CNTN4: variants seen among roughly 807,000 people sequenced by gnomAD.
CNTN4 encodes the protein contactin-4.
Under a neutral mutation model 122.5 loss-of-function variants are expected in CNTN4, and 77 were observed. That is an observed-to-expected ratio of 0.63 (90% CI 0.52 to 0.76). CNTN4 has a LOEUF of 0.76. Ranked by LOEUF, CNTN4 falls within the 30% of genes least tolerant of loss-of-function variation. The pLI is 0.00. For synonymous variants in CNTN4, 512 were observed against 447.0 expected (o/e 1.15, Z -1.83); for missense variants, 1,256 against 1,259.1 (o/e 1.00, Z 0.04).
chr3:2,590,254 CT>C (rs925991535), intron 4 of CNTN4, among the ~76,000 whole-genome samples: 36 of 152,184 alleles, frequency 2.4e-4, no homozygotes, highest in African/African-American at 6.5e-4. Flanking sequence ...CACCTTTCTT[CT>C]TTTTTTGTTG....
At chr3:2,204,280 A>T (rs1341233423) in intron 2 of CNTN4, among the ~76,000 whole-genome samples, 1 of 152,172 alleles carries the variant, frequency 6.6e-6, no homozygotes, top group African/African-American at 2.4e-5. Context: ...CATCTTTTTA[A>T]TTATTCCCAA....
intron 3 of CNTN4, among the ~76,000 whole-genome samples, chr3:2,387,043 T>G (rs891929113): frequency 2.0e-5 from 3 of 152,164 alleles, no homozygotes. Context: ...TTGCTAACCA[T>G]AAGTCGTGTG....
At chr3:2,194,658 C>T (rs2037751029) in intron 2 of CNTN4, among the ~76,000 whole-genome samples, 1 of 152,034 alleles carries the variant, frequency 6.6e-6, no homozygotes, top group Non-Finnish European at 1.5e-5. Flanking sequence ...TAGGGTGGGC[C>T]CCCAACCCAA....
chr3:2,136,354 G>C (rs2034691326), intron 2 of CNTN4, among the ~76,000 whole-genome samples: 2 of 152,058 alleles, frequency 1.3e-5, no homozygotes, highest in Non-Finnish European at 2.9e-5. Flanking sequence ...AGTTTGTGTT[G>C]TTTCTTTCAC....
At chr3:2,573,985 G>A (rs2079542796) in intron 4 of CNTN4, among the ~76,000 whole-genome samples, 1 of 152,174 alleles carries the variant, frequency 6.6e-6, no homozygotes, top group Admixed American at 6.5e-5. Flanking sequence ...GGGAGGCCGA[G>A]GTGGGTGGAT....
intron 7 of CNTN4, among the ~76,000 whole-genome samples, chr3:2,849,594 G>A (rs1417942457): frequency 6.6e-6 from 1 of 152,186 alleles, no homozygotes; most frequent in Non-Finnish European, 1.5e-5. Context: ...TACTTATCCA[G>A]CACTTCTCCA....
chr3:2,952,162 G>T (rs1454699002), intron 13 of CNTN4, among the ~76,000 whole-genome samples: 1 of 152,192 alleles, frequency 6.6e-6, no homozygotes, highest in Non-Finnish European at 1.5e-5. Flanking sequence ...ATGAGCATAA[G>T]ATCTACCTTC....
chr3:2,388,513 A>ACTC (rs1429872927), intron 3 of CNTN4, among the ~76,000 whole-genome samples: 1 of 151,984 alleles, frequency 6.6e-6, no homozygotes, highest in Non-Finnish European at 1.5e-5. Context: ...TAAAATCCAC[A>ACTC]CTCCTTGCTA....
At chr3:2,933,352 G>A (rs182288465) in intron 13 of CNTN4, among the ~76,000 whole-genome samples, 23 of 152,286 alleles carry the variant, frequency 1.5e-4, no homozygotes, top group Admixed American at 4.6e-4. Flanking sequence ...CAGGGGATAT[G>A]TATCCTGAAA....
chr3:2,407,891 G>A (rs529050003), intron 3 of CNTN4, among the ~76,000 whole-genome samples: 1 of 152,078 alleles, frequency 6.6e-6, no homozygotes, highest in Non-Finnish European at 1.5e-5. Context: ...CTAAATTGTT[G>A]GCAGCCATAC....
At position 2,917,952 on chromosome 3, in the gene CNTN4, A is replaced by G. The variant is rs183014707; in HGVS notation, c.1208-7677A>G. On this transcript the variant is annotated intron_variant, in intron 12 of 24. Coordinates refer to ENST00000418658, the MANE Select transcript of CNTN4 (RefSeq NM_175607.3). ...AGAGCATTGGCACCAACAATATTCCATCTCTTCTTTTTCCAGCATGAGAAG... is the reference window on the plus strand; with the variant it reads ...AGAGCATTGGCACCAACAATATTCCGTCTCTTCTTTTTCCAGCATGAGAAG... Among the ~76,000 whole-genome samples, 87 of 151,986 alleles carry G rather than the reference A, an allele frequency of 5.7e-4. 1 individual carries two copies. The highest frequency in any genetic ancestry group is 1.4e-3 in the East Asian group (7 of 5,154).
chr3:2,466,169 C>T (rs1410496559), intron 3 of CNTN4, among the ~76,000 whole-genome samples: 1 of 152,136 alleles, frequency 6.6e-6, no homozygotes, highest in Non-Finnish European at 1.5e-5. Context: ...TTAAAACAGG[C>T]ATTTATATTA....
At chr3:2,563,688 A>C (rs2079046509) in intron 3 of CNTN4, among the ~76,000 whole-genome samples, 1 of 152,210 alleles carries the variant, frequency 6.6e-6, no homozygotes, top group South Asian at 2.1e-4. Flanking sequence ...TTAACTAAAC[A>C]ATGTTAGAAG....
intron 7 of CNTN4, among the ~76,000 whole-genome samples, chr3:2,832,045 T>C (rs549979411): frequency 6.6e-6 from 1 of 152,308 alleles, no homozygotes; most frequent in South Asian, 2.1e-4. Context: ...TACCCAAATA[T>C]GAGAAAGACA....
At chr3:2,969,515 G>GGATT (rs1553710699) in intron 13 of CNTN4, among the ~76,000 whole-genome samples, 4 of 143,614 alleles carry the variant, frequency 2.8e-5, no homozygotes, top group African/African-American at 1.0e-4. Context: ...AGGAAAATTG[G>GGATT]GATTATTATT....
At chr3:2,532,191 A>G (rs12636378) in intron 3 of CNTN4, among the ~76,000 whole-genome samples, 13,183 of 152,170 alleles carry the variant, frequency 0.087, 1,301 homozygotes, top group East Asian at 0.52. Context: ...TGTAAAATAG[A>G]CTAGTATTTC....
intron 3 of CNTN4, among the ~76,000 whole-genome samples, chr3:2,461,326 CATT>C: frequency 6.6e-6 from 1 of 151,812 alleles, no homozygotes; most frequent in South Asian, 2.1e-4. Context: ...TGGAAGTTAT[CATT>C]AATTATTAAT....
chr3:2,967,607 T>G (rs115089961), intron 13 of CNTN4, among the ~76,000 whole-genome samples: 2,935 of 152,234 alleles, frequency 0.019, 93 homozygotes, highest in African/African-American at 0.067. Context: ...AGCTTGGAGG[T>G]TAGAAGCAAG....
intron 13 of CNTN4, among the ~76,000 whole-genome samples, chr3:2,950,099 C>G (rs957851878): frequency 5.9e-5 from 9 of 152,338 alleles, no homozygotes; most frequent in African/African-American, 2.2e-4. Flanking sequence ...TTATCCATGA[C>G]TAATGGAGTT....
Sources: gnomAD v4.1 joint callset for allele counts (sites outside exome capture counted in the v4.1 genomes callset) on GRCh38, gnomAD v4.1.1 for gene constraint, MANE v1.5 for transcripts, NCBI Gene and HGNC (gene_info 2026-07-23, HGNC 2026-07-21) for gene names.